AIG1: variants seen among roughly 807,000 people sequenced by gnomAD.
The protein encoded by AIG1 is androgen-induced gene 1 protein.
A neutral mutation model predicts 31.4 loss-of-function variants in AIG1; 23 were observed. The ratio of observed to expected loss-of-function variants is 0.73; its 90% CI spans 0.53 to 1.04. The LOEUF (loss-of-function observed/expected upper bound fraction) is 1.04, where lower values mean the gene tolerates loss of function less well. Ranked by LOEUF, AIG1 falls within the 50% of genes least tolerant of loss-of-function variation. AIG1 has a pLI of 0.00. For missense variants in AIG1, 274 were observed against 295.0 expected (o/e 0.93, Z 0.52); for synonymous variants, 100 against 110.5 (o/e 0.90, Z 0.60).
intron 3 of AIG1, among the ~76,000 whole-genome samples, chr6:143,177,669 T>A (rs11757958): frequency 0.01 from 1,570 of 152,156 alleles, 12 homozygotes; most frequent in Non-Finnish European, 0.018. Context: ...GCAGATCAGT[T>A]TGGGGGCTCC....
intron 3 of AIG1, among the ~76,000 whole-genome samples, chr6:143,270,535 G>C (rs1796443381): frequency 6.6e-6 from 1 of 152,200 alleles, no homozygotes; most frequent in Non-Finnish European, 1.5e-5. Flanking sequence ...TGAGCTGTGA[G>C]CTAAATTGCC....
intron 3 of AIG1, among the ~76,000 whole-genome samples, chr6:143,168,123 T>C (rs1338371943): frequency 6.6e-6 from 1 of 152,196 alleles, no homozygotes; most frequent in Non-Finnish European, 1.5e-5. Flanking sequence ...GAGCATTTTC[T>C]TGTTTAAATA....
intron 4 of AIG1, among the ~76,000 whole-genome samples, chr6:143,312,854 A>G (rs1263210748): frequency 1.3e-5 from 2 of 152,172 alleles, no homozygotes; most frequent in African/African-American, 4.8e-5. Flanking sequence ...AGCTCAAACA[A>G]TTCTATAGGG....
intron 1 of AIG1, among the ~76,000 whole-genome samples, chr6:143,107,001 C>A (rs1014816269): frequency 1.3e-5 from 2 of 152,186 alleles, no homozygotes; most frequent in Non-Finnish European, 2.9e-5. Flanking sequence ...CAAATACCCT[C>A]ACATTGGGTG....
intron 1 of AIG1, among the ~76,000 whole-genome samples, chr6:143,117,234 G>T (rs1030511288): frequency 2.0e-5 from 3 of 152,186 alleles, no homozygotes; most frequent in African/African-American, 4.8e-5. Flanking sequence ...GGGGGAAGTG[G>T]CAGTGGCAGG....
intron 1 of AIG1, among the ~76,000 whole-genome samples, chr6:143,122,021 A>G (rs1455817712): frequency 6.6e-6 from 1 of 152,178 alleles, no homozygotes; most frequent in East Asian, 1.9e-4. Context: ...TACCTTATAA[A>G]GCAGCATAAA....
At chr6:143,324,101 C>T (rs1275028330) in intron 4 of AIG1, among the ~76,000 whole-genome samples, 1 of 152,184 alleles carries the variant, frequency 6.6e-6, no homozygotes, top group East Asian at 1.9e-4. Flanking sequence ...TCTTATCCCA[C>T]CCTGGGGCAC....
In AIG1 at chr6:143,292,923, C is replaced by T. The variant is rs573288207; in HGVS notation, c.515+8698C>T. Among the ~76,000 whole-genome samples, 8 of 152,308 alleles carry T rather than the reference C, an allele frequency of 5.3e-5. No homozygotes were observed. In the East Asian group the frequency reaches 5.8e-4, roughly 11 times the overall value. Reference sequence around the variant, plus strand: ...TTCTTTCTGCAACTTTCTTCCCTCACGAACCTTACCCTGGAAGGCAGAAGT... The same window carrying T: ...TTCTTTCTGCAACTTTCTTCCCTCATGAACCTTACCCTGGAAGGCAGAAGT... On this transcript the variant is annotated intron_variant, in intron 4 of 5. Coordinates refer to ENST00000357847, the MANE Select transcript of AIG1 (RefSeq NM_016108.4). The surrounding 1 kb of genome is among the most constrained non-coding windows in gnomAD (Gnocchi z 4.9).
chr6:143,239,348 G>T (rs1794051423), intron 3 of AIG1, among the ~76,000 whole-genome samples: 1 of 152,202 alleles, frequency 6.6e-6, no homozygotes, highest in South Asian at 2.1e-4. Context: ...ATATTAATGG[G>T]AAAACCTTCA....
chr6:143,141,032 CT>C (rs1784202844), intron 2 of AIG1, among the ~76,000 whole-genome samples: 1 of 152,178 alleles, frequency 6.6e-6, no homozygotes, highest in East Asian at 1.9e-4. Flanking sequence ...TGCCTTTCTA[CT>C]TTTTGTCAGT....
At chr6:143,188,734 A>C in intron 3 of AIG1, 3 of 985,400 alleles carry the variant, frequency 3.0e-6, no homozygotes, top group Non-Finnish European at 3.6e-6. Flanking sequence ...GGCCACTCTC[A>C]TTTTAAAGAT....
chr6:143,175,937 A>G (rs766495621), intron 3 of AIG1, among the ~76,000 whole-genome samples: 2 of 152,204 alleles, frequency 1.3e-5, no homozygotes, highest in Admixed American at 6.5e-5. Flanking sequence ...TGAGTAAACT[A>G]TGTCAGACGG....
At position 143,136,832 on chromosome 6, in the gene AIG1, C is replaced by A; in HGVS notation, c.142-3C>A. ...ACTCATACCGGCTGTTGTCCCCCTACAGGTTATCCAGGCTGTCTTTTTTGG... is the reference window on the plus strand; with the variant it reads ...ACTCATACCGGCTGTTGTCCCCCTAAAGGTTATCCAGGCTGTCTTTTTTGG... On this transcript the variant is annotated splice_region_variant and splice_polypyrimidine_tract_variant and intron_variant, in intron 1 of 5. Transcript: ENST00000357847. 7.1e-7 allele frequency: 1 copy of A among 1,406,832 alleles called. No individual in the cohort carries two copies. The highest frequency in any genetic ancestry group is 9.4e-7 in the Non-Finnish European group (1 of 1,062,872). The allele number at this position is 1,406,832 out of a possible 1,614,324, so 87.1% of individuals were successfully genotyped here.
At chr6:143,289,152 G>A (rs545588668) in intron 4 of AIG1, among the ~76,000 whole-genome samples, 1 of 152,252 alleles carries the variant, frequency 6.6e-6, no homozygotes, top group Admixed American at 6.5e-5. Context: ...GGTCCTGGCT[G>A]TATTAATGGA....
chr6:143,273,987 C>G (rs545524072), intron 3 of AIG1, among the ~76,000 whole-genome samples: 1 of 152,344 alleles, frequency 6.6e-6, no homozygotes, highest in South Asian at 2.1e-4. Context: ...ATGACAACAG[C>G]TTGGAGTTAC....
At chr6:143,172,530 T>C (rs1361080563) in intron 3 of AIG1, among the ~76,000 whole-genome samples, 1 of 152,194 alleles carries the variant, frequency 6.6e-6, no homozygotes, top group Non-Finnish European at 1.5e-5. Flanking sequence ...TAGTTTTCTT[T>C]TGTTGTTATG....
intron 2 of AIG1, among the ~76,000 whole-genome samples, chr6:143,148,882 G>A (rs1784932197): frequency 6.6e-6 from 1 of 152,118 alleles, no homozygotes; most frequent in South Asian, 2.1e-4. Flanking sequence ...ACTATGTTTA[G>A]GTGTGTTTAA....
intron 3 of AIG1, among the ~76,000 whole-genome samples, chr6:143,178,270 G>T (rs564976195): frequency 6.6e-6 from 1 of 152,302 alleles, no homozygotes; most frequent in African/African-American, 2.4e-5. Flanking sequence ...ATGTCCCAGG[G>T]ACCCCAAGGA....
chr6:143,136,856 G>T lies in AIG1; in HGVS notation c.163G>T (p.Gly55Cys), dbSNP rs201912489. The T allele has an allele frequency of 6.9e-7, 1 of 1,452,186 alleles. No individual in the cohort carries two copies. The allele number at this position is 1,452,186 out of a possible 1,614,324, so 90.0% of individuals were successfully genotyped here. The change falls in exon 2 of 6, where the codon GGC becomes TGC. Residue 55 changes from glycine to cysteine, a missense_variant. Physicochemically the swap from Gly to Cys is radical, Grantham distance 159. Around this residue, in one of 2 missense-constraint regions of AIG1, gnomAD observed 243 missense variants for 238.5 expected, o/e 1.02. Transcript: ENST00000357847. ...ACAGGTTATCCAGGCTGTCTTTTTTGGCATCTGTGTGCTGACTGATCTTTC... is the reference window on the plus strand; with the variant it reads ...ACAGGTTATCCAGGCTGTCTTTTTTTGCATCTGTGTGCTGACTGATCTTTC... ...IDLVIQAVFFGICVLTDLSSL... is the reference protein window; with the variant it reads ...IDLVIQAVFFCICVLTDLSSL...
Sources: gnomAD v4.1 joint callset for allele counts (sites outside exome capture counted in the v4.1 genomes callset) on GRCh38, gnomAD v4.1.1 for gene constraint, gnomAD v4.1.1 regional missense constraint, Gnocchi (gnomAD v3.1) non-coding constraint, MANE v1.5 for transcripts, NCBI Gene and HGNC (gene_info 2026-07-23, HGNC 2026-07-21) for gene names.